The following PLAGL1 variants were observed in gnomAD, a reference collection of about 807,000 sequenced individuals.
The protein encoded by PLAGL1 is zinc finger protein PLAGL1.
PLAGL1 carries 1 observed loss-of-function variant against 4.6 expected under a neutral mutation model. The ratio of observed to expected loss-of-function variants is 0.22; its 90% CI spans 0.08 to 1.03. PLAGL1 has a LOEUF of 1.03. Among genes scored for constraint, PLAGL1 ranks in the 50% least tolerant of loss-of-function variants. PLAGL1 has a pLI of 0.58. For missense variants in PLAGL1, 464 were observed against 570.4 expected, an observed-to-expected ratio of 0.81 and a Z score of 1.90; for synonymous variants, 240 against 237.8, an observed-to-expected ratio of 1.01 and a Z score of -0.08.
chr6:144,053,975 G>T lies in PLAGL1; in HGVS notation c.-151+10493C>A, dbSNP rs1381167721. 6.6e-6 allele frequency among the ~76,000 whole-genome samples: 1 copy of T among 152,178 alleles called. No homozygotes were observed. Among genetic ancestry groups the T allele is most frequent in the Non-Finnish European group, 1.5e-5 (1 of 68,034 alleles). ...CACCATCAACTTCAAAATCCATCAG[G>T]AAAGGGATATTCATTTCTCTATATG... is the stretch of plus-strand genomic sequence containing the variant. On this transcript the variant is annotated intron_variant, in intron 1 of 3. Transcript: ENST00000437412. This position sits in a 1 kb window ranked among gnomAD's most constrained non-coding sequence, Gnocchi z 4.0.
chr6:144,051,964 A>G (rs770275469), intron 1 of PLAGL1, among the ~76,000 whole-genome samples: 2 of 152,234 alleles, frequency 1.3e-5, no homozygotes, highest in African/African-American at 4.8e-5. Context: ...ACATATATTC[A>G]TGAATTACAG....
rs1246943272 is a variant in PLAGL1 at position 143,948,716 on chromosome 6, A to G, written c.-324-256T>C. Among the ~76,000 whole-genome samples the G allele has an allele frequency of 6.6e-6, 1 of 152,054 alleles. No homozygotes were observed. Among genetic ancestry groups the G allele is most frequent in the Non-Finnish European group, 1.5e-5 (1 of 68,024 alleles). Reference sequence around the variant, plus strand: ...TAAGGAGAGTTCTTTCCACGGATCCAGTATTATCTATTTCAGGTCAGTGTG... The same window carrying G: ...TAAGGAGAGTTCTTTCCACGGATCCGGTATTATCTATTTCAGGTCAGTGTG... On this transcript the variant is annotated intron_variant, in intron 6 of 7. Coordinates refer to ENST00000674357, the MANE Select transcript of PLAGL1 (RefSeq NM_001317162.2). The surrounding 1 kb of genome is among the most constrained non-coding windows in gnomAD (Gnocchi z 6.0).
At chr6:144,001,741 T>C (rs1294107291) in intron 1 of PLAGL1, among the ~76,000 whole-genome samples, 1 of 152,168 alleles carries the variant, frequency 6.6e-6, no homozygotes, top group Non-Finnish European at 1.5e-5. Context: ...GTGGCTATCA[T>C]ATGCTGCCAT....
intron 6 of PLAGL1, among the ~76,000 whole-genome samples, chr6:143,956,030 C>T (rs1782048370): frequency 6.6e-6 from 1 of 152,186 alleles, no homozygotes; most frequent in Non-Finnish European, 1.5e-5. Flanking sequence ...GCATTCGGGC[C>T]AGCAAGGAGA....
intron 2 of PLAGL1, among the ~76,000 whole-genome samples, chr6:143,976,381 T>C (rs1786555376): frequency 6.6e-6 from 1 of 150,398 alleles, no homozygotes; most frequent in South Asian, 2.1e-4. Flanking sequence ...TAAATGGATG[T>C]CCTCACCTCC....
At chr6:143,977,853 G>A (rs1332650826) in intron 2 of PLAGL1, among the ~76,000 whole-genome samples, 1 of 152,046 alleles carries the variant, frequency 6.6e-6, no homozygotes, top group Non-Finnish European at 1.5e-5. Context: ...CTGGCTGGCT[G>A]GTAGAATTCA....
chr6:144,015,337 T>C lies in PLAGL1; in HGVS notation c.-150-46359A>G, dbSNP rs1251023013. Among the ~76,000 whole-genome samples, 1 of 152,190 alleles carries C rather than the reference T, an allele frequency of 6.6e-6. No homozygotes were observed. The highest frequency in any genetic ancestry group is 1.5e-5 in the Non-Finnish European group (1 of 68,034). Reference sequence around the variant, plus strand: ...TATCTAGCTTACATGATATTTCTGTTTGACAACACTGTTTTAGAAGAAAAC... The same window carrying C: ...TATCTAGCTTACATGATATTTCTGTCTGACAACACTGTTTTAGAAGAAAAC... On this transcript the variant is annotated intron_variant, in intron 1 of 3. Transcript: ENST00000437412. The surrounding 1 kb of genome is among the most constrained non-coding windows in gnomAD (Gnocchi z 4.3).
intron 1 of PLAGL1, among the ~76,000 whole-genome samples, chr6:144,057,591 C>T (rs955408439): frequency 6.6e-6 from 1 of 152,168 alleles, no homozygotes. Context: ...AACCCACAAG[C>T]TGATAAAAGA....
At chr6:144,045,405 G>A (rs572127713) in intron 1 of PLAGL1, among the ~76,000 whole-genome samples, 190 of 152,304 alleles carry the variant, frequency 1.2e-3, no homozygotes, top group African/African-American at 4.5e-3. Flanking sequence ...CTCAGCATTT[G>A]CTTGTCTGTA....
rs965530705 is a variant in PLAGL1, at chr6:144,027,856, T to A, written c.-151+36612A>T. Among the ~76,000 whole-genome samples, 1 of 152,194 alleles carries A rather than the reference T, an allele frequency of 6.6e-6. No homozygotes were observed. The highest frequency in any genetic ancestry group is 1.5e-5 in the Non-Finnish European group (1 of 68,038). Reference sequence around the variant, plus strand: ...TATGTGCACAGACTCACATATAAGGTCCTAAAGAAAGGATTTTGCTGATGC... The same window carrying A: ...TATGTGCACAGACTCACATATAAGGACCTAAAGAAAGGATTTTGCTGATGC... On this transcript the variant is annotated intron_variant, in intron 1 of 3. Coordinates refer to the PLAGL1 transcript ENST00000437412. This position sits in a 1 kb window ranked among gnomAD's most constrained non-coding sequence, Gnocchi z 5.8.
chr6:144,025,310 C>A (rs1232747817), intron 1 of PLAGL1, among the ~76,000 whole-genome samples: 1 of 152,166 alleles, frequency 6.6e-6, no homozygotes, highest in Non-Finnish European at 1.5e-5. Context: ...GAGAGACTGT[C>A]ACAGCCAAGA....
Position 143,960,071 on chromosome 6 carries a change from CCA to C in PLAGL1, c.-325+396_-325+397del, listed in dbSNP as rs2128554116. ...AGGCTTATCTTTCAGTCGACATCTG[CCA>C]CAAAGACAGGACAACCTCTTACACA... On this transcript the variant is annotated intron_variant, in intron 6 of 7. Transcript: ENST00000674357. The surrounding 1 kb of genome is among the most constrained non-coding windows in gnomAD (Gnocchi z 5.7). Among the ~76,000 whole-genome samples, 1 of 152,334 alleles carries C rather than the reference CCA, an allele frequency of 6.6e-6. No individual in the cohort carries two copies. The highest frequency in any genetic ancestry group is 1.5e-5 in the Non-Finnish European group (1 of 68,036).
At chr6:144,060,997 TCCA>T (rs895855872) in intron 1 of PLAGL1, among the ~76,000 whole-genome samples, 1 of 152,242 alleles carries the variant, frequency 6.6e-6, no homozygotes, top group African/African-American at 2.4e-5. Flanking sequence ...TTATAGCTTT[TCCA>T]CCATTTCTCT....
chr6:144,012,461 T>A (rs1795255319), upstream of PLAGL1, among the ~76,000 whole-genome samples: 1 of 152,132 alleles, frequency 6.6e-6, no homozygotes, highest in South Asian at 2.1e-4. The surrounding 1 kb of genome is among the most constrained non-coding windows in gnomAD (Gnocchi z 4.8). Flanking sequence ...GGTCTCAAAC[T>A]CCTGACCTCA....
intron 1 of PLAGL1, among the ~76,000 whole-genome samples, chr6:144,060,501 C>G (rs1799309766): frequency 6.6e-6 from 1 of 152,110 alleles, no homozygotes; most frequent in Non-Finnish European, 1.5e-5. Context: ...TTTTTGATTA[C>G]TTGATTGAGA....
chr6:144,051,143 C>T (rs1297972642), intron 1 of PLAGL1, among the ~76,000 whole-genome samples: 2 of 152,116 alleles, frequency 1.3e-5, no homozygotes, highest in Non-Finnish European at 2.9e-5. Context: ...TAGGAAATCA[C>T]CTCAATTACG....
Position 143,964,309 on chromosome 6 carries a change from A to C in PLAGL1, c.-399+478T>G, listed in dbSNP as rs944702815. On this transcript the variant is annotated intron_variant, in intron 5 of 7. Coordinates refer to ENST00000674357, the MANE Select transcript of PLAGL1 (RefSeq NM_001317162.2). This position sits in a 1 kb window ranked among gnomAD's most constrained non-coding sequence, Gnocchi z 4.3. The stretch of plus-strand genomic sequence containing the variant: ...AATAAATCACTACTTTGATAAACTG[A>C]AGGTCAGAGGTGGGTTCCTCATCTT... 2.0e-5 allele frequency among the ~76,000 whole-genome samples: 3 copies of C among 152,152 alleles called. No homozygotes were observed. Among genetic ancestry groups the C allele is most frequent in the African/African-American group, 7.2e-5 (3 of 41,430 alleles).
chr6:143,975,490 G>T lies in PLAGL1; in HGVS notation c.-543-6512C>A, dbSNP rs540135654. Among the ~76,000 whole-genome samples, 229 of 152,206 alleles carry T rather than the reference G, an allele frequency of 1.5e-3. No individual in the cohort carries two copies. The highest frequency in any genetic ancestry group is 5.2e-3 in the African/African-American group (215 of 41,518). ...AATATAAAGCTCCTAAAACAGCATT[G>T]GCATACAGTGAAAGATCAATAATTA... On this transcript the variant is annotated intron_variant, in intron 2 of 7. Coordinates refer to ENST00000674357, the MANE Select transcript of PLAGL1 (RefSeq NM_001317162.2). The surrounding 1 kb of genome is among the most constrained non-coding windows in gnomAD (Gnocchi z 5.8).
Position 144,004,450 on chromosome 6 carries a change from T to C in PLAGL1, c.-584+3640A>G, listed in dbSNP as rs1793697187. 2.6e-5 allele frequency among the ~76,000 whole-genome samples: 4 copies of C among 152,202 alleles called. No homozygotes were observed. The South Asian group carries it at 8.3e-4, about 32-fold the overall frequency. The stretch of plus-strand genomic sequence containing the variant: ...AGCAAAAATAAAAAACAAACAAAAA[T>C]TCTTATACATGCAACATGGATGAAT... On this transcript the variant is annotated intron_variant, in intron 1 of 7. Coordinates refer to ENST00000674357, the MANE Select transcript of PLAGL1 (RefSeq NM_001317162.2). This position sits in a 1 kb window ranked among gnomAD's most constrained non-coding sequence, Gnocchi z 4.2.
Sources: gnomAD v4.1 joint callset for allele counts (sites outside exome capture counted in the v4.1 genomes callset) on GRCh38, gnomAD v4.1.1 for gene constraint, Gnocchi (gnomAD v3.1) non-coding constraint, MANE v1.5 for transcripts, NCBI Gene and HGNC (gene_info 2026-07-23, HGNC 2026-07-21) for gene names.